Variants in ICE1 observed in about 807,000 individuals in gnomAD.
The protein encoded by ICE1 is interactor of little elongation complex ELL subunit 1, also known as little elongation complex subunit 1.
In ICE1, 64 loss-of-function variants were observed where a neutral mutation model predicts 192.7. The ratio of observed to expected loss-of-function variants is 0.33; its 90% confidence interval spans 0.27 to 0.41. The LOEUF (loss-of-function observed/expected upper bound fraction) is 0.41. Ranked by LOEUF, ICE1 falls within the 10% of genes least tolerant of loss-of-function variation. The pLI is 1.00. For missense variants in ICE1, 2,708 were observed against 2,696.0 expected, an observed-to-expected ratio of 1.00 and a Z score of -0.10; for synonymous variants, 1,010 against 984.5, an observed-to-expected ratio of 1.03 and a Z score of -0.49.
In ICE1 at chr5:5,464,011, A is replaced by C. The variant is rs1422062834; in HGVS notation, c.4677A>C (p.Ser1559=). Residue 1559 remains serine (S), a synonymous_variant, in exon 13 of 19, where the codon TCA becomes TCC. Coordinates refer to ENST00000296564, the MANE Select transcript of ICE1 (RefSeq NM_015325.3). The surrounding 1 kb of genome is among the most constrained non-coding windows in gnomAD (Gnocchi z 4.0). ...AAAATAAGAATCGATCAAAGATTTCAAACAAAGATCAGTCAAACAAACCAG... is the reference window on the plus strand; with the variant it reads ...AAAATAAGAATCGATCAAAGATTTCCAACAAAGATCAGTCAAACAAACCAG... ...SGKNKNRSKI[S]NKDQSNKPVK... 6.2e-7 allele frequency: 1 copy of C among 1,613,764 alleles called. No individual in the cohort carries two copies. The highest frequency in any genetic ancestry group is 1.7e-5 in the Admixed American group (1 of 59,986).
At chr5:5,455,029 G>A (rs541904170) in intron 11 of ICE1, among the ~76,000 whole-genome samples, 2 of 152,288 alleles carry the variant, frequency 1.3e-5, no homozygotes, top group East Asian at 3.9e-4. Context: ...GACTCTCAGA[G>A]TATCATGGGG....
chr5:5,427,897 A>T (rs1449610398), intron 1 of ICE1, among the ~76,000 whole-genome samples: 1 of 152,186 alleles, frequency 6.6e-6, no homozygotes, highest in African/African-American at 2.4e-5. Flanking sequence ...ATGGTAAGGG[A>T]CATATGAGGT....
At chr5:5,483,330 A>T (rs1224733723) in intron 17 of ICE1, among the ~76,000 whole-genome samples, 1 of 152,082 alleles carries the variant, frequency 6.6e-6, no homozygotes, top group Non-Finnish European at 1.5e-5. Context: ...TGCACATCCT[A>T]TTGAGATTTT....
chr5:5,445,702 C>T (rs1002112136), intron 7 of ICE1, among the ~76,000 whole-genome samples: 3 of 151,858 alleles, frequency 2.0e-5, no homozygotes, highest in African/African-American at 7.3e-5. Context: ...GTGTGAGCCA[C>T]TGCACCCAGC....
Position 5,464,528 on chromosome 5 carries a change from C to G in ICE1, c.5194C>G (p.Pro1732Ala). ...KHALPVPGRLPPCASGHAAVG... is the reference protein window; with the variant it reads ...KHALPVPGRLAPCASGHAAVG... ...CGCACTTCCTGTGCCTGGCCGACTCCCACCCTGTGCATCTGGCCACGCTGC... is the reference window on the plus strand; with the variant it reads ...CGCACTTCCTGTGCCTGGCCGACTCGCACCCTGTGCATCTGGCCACGCTGC... Residue 1732 changes from proline (P) to alanine (A), a missense_variant, in exon 13 of 19, where the codon CCA (proline) becomes GCA (alanine). Physicochemically the swap from Pro to Ala is conservative, Grantham distance 27. This residue lies in a region of ICE1 where 2,366 missense variants were observed against 2,276.6 expected (regional missense o/e 1.04). Transcript: ENST00000296564. The surrounding 1 kb of genome is among the most constrained non-coding windows in gnomAD (Gnocchi z 4.0). 1.2e-6 allele frequency: 2 copies of G among 1,613,926 alleles called. No individual in the cohort carries two copies. The highest frequency in any genetic ancestry group is 1.7e-6 in the Non-Finnish European group (2 of 1,179,862).
chr5:5,463,990 TAAG>T lies in ICE1; in HGVS notation c.4659_4661del (p.Lys1553del), dbSNP rs781580555. On this transcript the variant is annotated inframe_deletion, in exon 13 of 19. Coordinates refer to ENST00000296564, the MANE Select transcript of ICE1 (RefSeq NM_015325.3). The stretch of plus-strand genomic sequence containing the variant: ...CAAAACTAGAGCCATCTGGCAAAAA[TAAG>T]AATCGATCAAAGATTTCAAACAAAG... The T allele has an allele frequency of 6.2e-7, 1 of 1,613,684 alleles. No homozygotes were observed. The highest frequency in any genetic ancestry group is 1.7e-5 in the Admixed American group (1 of 59,994).
intron 14 of ICE1, among the ~76,000 whole-genome samples, chr5:5,468,156 G>T (rs969508788): frequency 6.6e-6 from 1 of 152,206 alleles, no homozygotes; most frequent in African/African-American, 2.4e-5. Flanking sequence ...CCAGACAGAA[G>T]AAAGTACCTA....
intron 14 of ICE1, 140 bp downstream of exon 14, chr5:5,466,642 A>G: frequency 1.4e-6 from 1 of 719,032 alleles, no homozygotes; most frequent in Non-Finnish European, 2.2e-6. Context: ...AGCTTTAGCT[A>G]TACCCAGCTG....
At position 5,457,725 on chromosome 5, in the gene ICE1, C is replaced by A. The variant is rs546526042; in HGVS notation, c.1085C>A (p.Pro362Gln). Residue 362 changes from proline to glutamine, a missense_variant, in exon 12 of 19, where the codon CCG becomes CAG. Around this residue, in one of 2 missense-constraint regions of ICE1, gnomAD observed 2,366 missense variants for 2,276.6 expected, o/e 1.04. Transcript: ENST00000296564. Reference protein sequence around the residue: ...PMSSPHPGSLPSSFAPETYFG... With the variant: ...PMSSPHPGSLQSSFAPETYFG... The stretch of plus-strand genomic sequence containing the variant: ...TCATCACCTCACCCGGGTTCCTTAC[C>A]GTCTTCATTTGCACCTGTGAGTTTT... 9.3e-6 allele frequency: 15 copies of A among 1,611,424 alleles called. No individual in the cohort carries two copies. The highest frequency in any genetic ancestry group is 1.3e-5 in the Non-Finnish European group (15 of 1,178,024).
chr5:5,488,074 TCTTA>T (rs33980711), intron 18 of ICE1, among the ~76,000 whole-genome samples: 8,576 of 152,262 alleles, frequency 0.056, 775 homozygotes, highest in African/African-American at 0.2. Context: ...CTTGTGTTTC[TCTTA>T]CTGTTACACT....
At chr5:5,423,457 C>G (rs920002432) in intron 1 of ICE1, among the ~76,000 whole-genome samples, 4 of 152,012 alleles carry the variant, frequency 2.6e-5, no homozygotes, top group Non-Finnish European at 5.9e-5. Context: ...GAGTCTTAGA[C>G]TCGAAGAGTC....
At chr5:5,485,576 G>A (rs1435137617) in intron 17 of ICE1, among the ~76,000 whole-genome samples, 2 of 152,208 alleles carry the variant, frequency 1.3e-5, no homozygotes, top group Non-Finnish European at 2.9e-5. Context: ...GGTACTTGAA[G>A]TGTGAAATCT....
intron 12 of ICE1, among the ~76,000 whole-genome samples, chr5:5,458,629 G>A (rs1223738684): frequency 6.6e-6 from 1 of 152,176 alleles, no homozygotes; most frequent in East Asian, 1.9e-4. Flanking sequence ...GTAGAAGCAA[G>A]GGTGAGCTCT....
At position 5,441,221 on chromosome 5, in the gene ICE1, A is replaced by G. The variant is rs1173034295; in HGVS notation, c.307A>G (p.Lys103Glu). ...GSLKAELEEK[K>E]SSLKLYQDTH... ...TTTAAAAGCAGAGCTAGAAGAGAAA[A>G]AGGTATGAACAATAATTTTCTGTAA... Residue 103 changes from lysine (K) to glutamate (E), a missense_variant and splice_region_variant, in exon 5 of 19, where the codon AAG becomes GAG. By Grantham distance (56) the Lys-to-Glu change is moderately conservative. Around this residue, in one of 2 missense-constraint regions of ICE1, gnomAD observed 2,366 missense variants for 2,276.6 expected, o/e 1.04. Coordinates refer to ENST00000296564, the MANE Select transcript of ICE1 (RefSeq NM_015325.3). The G allele has an allele frequency of 6.6e-7, 1 of 1,521,116 alleles. No homozygotes were observed. The highest frequency in any genetic ancestry group is 2.0e-5 in the Admixed American group (1 of 51,208). 94.2% of individuals were successfully genotyped at this position (1,521,116 alleles called of 1,614,324 possible). A position where few individuals can be genotyped will look rare whatever the true frequency, so the allele number is the denominator to read the frequency against.
At chr5:5,443,352 T>G in intron 6 of ICE1, 108 bp downstream of exon 6, 1 of 597,760 alleles carries the variant, frequency 1.7e-6, no homozygotes, top group Non-Finnish European at 2.8e-6. Context: ...TTCTTGGCCA[T>G]AATTAGCTGC....
chr5:5,462,357 T>G lies in ICE1; in HGVS notation c.3023T>G (p.Val1008Gly). ...HGSEMLPATE[V>G]TVSGGFSVEE... ...AGTGAGATGCTTCCAGCCACAGAAG[T>G]GACTGTGTCAGGAGGGTTTTCTGTT... is the stretch of plus-strand genomic sequence containing the variant. The change falls in exon 13 of 19, where the codon GTG (valine) becomes GGG (glycine). Residue 1008 changes from valine to glycine, a missense_variant. Coordinates refer to ENST00000296564, the MANE Select transcript of ICE1 (RefSeq NM_015325.3). 2 of 1,614,012 alleles carry G rather than the reference T, an allele frequency of 1.2e-6. No homozygotes were observed. The highest frequency in any genetic ancestry group is 1.7e-6 in the Non-Finnish European group (2 of 1,179,894).
intron 18 of ICE1, among the ~76,000 whole-genome samples, chr5:5,487,209 G>A (rs1194268383): frequency 6.6e-6 from 1 of 152,172 alleles, no homozygotes; most frequent in African/African-American, 2.4e-5. Context: ...ACAGTGAGAT[G>A]CCAGGTATCA....
chr5:5,469,748 A>G lies in ICE1; in HGVS notation c.6222+760A>G, dbSNP rs186740554. Among the ~76,000 whole-genome samples the G allele has an allele frequency of 5.1e-4, 77 of 152,296 alleles. 1 individual carries two copies. The South Asian group carries it at 5.8e-3, about 11-fold the overall frequency. On this transcript the variant is annotated intron_variant, in intron 15 of 18. Transcript: ENST00000296564. ...TAGGCTTTTATTTTTTATAAAACGT[A>G]AAGGAAAGAGCTTTTGGTGGTCAAA...
chr5:5,464,140 G>A lies in ICE1; in HGVS notation c.4806G>A (p.Gln1602=). ...CAAAAACTCAAAGAAGCCAAACTCA[G>A]ACCATTTTAGCAAATGCTGATACAT... is the stretch of plus-strand genomic sequence containing the variant. ...ANTKTQRSQT[Q]TILANADTST... is the part of the protein sequence containing the mutation. Residue 1602 remains glutamine, a synonymous_variant, in exon 13 of 19, where the codon CAG becomes CAA. Transcript: ENST00000296564. This position sits in a 1 kb window ranked among gnomAD's most constrained non-coding sequence, Gnocchi z 4.0. 2 of 1,613,498 alleles carry A rather than the reference G, an allele frequency of 1.2e-6. No individual in the cohort carries two copies. The highest frequency in any genetic ancestry group is 1.1e-5 in the South Asian group (1 of 91,080).
Sources: gnomAD v4.1 joint callset for allele counts (sites outside exome capture counted in the v4.1 genomes callset) on GRCh38, gnomAD v4.1.1 for gene constraint, gnomAD v4.1.1 regional missense constraint, Gnocchi (gnomAD v3.1) non-coding constraint, MANE v1.5 for transcripts, NCBI Gene and HGNC (gene_info 2026-07-23, HGNC 2026-07-21) for gene names.